Variants in LSAMP observed in about 807,000 individuals in gnomAD.
LSAMP encodes the protein limbic system-associated membrane protein.
In LSAMP, 7 loss-of-function variants were observed where a neutral mutation model predicts 38.6. The observed-to-expected ratio is 0.18, with a 90% CI of 0.10 to 0.34. LSAMP has a LOEUF of 0.34. Ranked by LOEUF, LSAMP falls within the 10% of genes least tolerant of loss-of-function variation. The pLI is 1.00. For synonymous variants in LSAMP, 154 were observed against 166.8 expected (o/e 0.92, Z 0.59); for missense variants, 313 against 420.0 (o/e 0.75, Z 2.23).
chr3:116,341,450 T>C (rs1359024017), intron 1 of LSAMP, among the ~76,000 whole-genome samples: 1 of 151,940 alleles, frequency 6.6e-6, no homozygotes, highest in Non-Finnish European at 1.5e-5. Context: ...TGAAGATGTA[T>C]GGCAGGCACC....
chr3:116,067,115 C>A (rs1336405910), intron 2 of LSAMP, among the ~76,000 whole-genome samples: 1 of 152,140 alleles, frequency 6.6e-6, no homozygotes, highest in Non-Finnish European at 1.5e-5. Flanking sequence ...ATGTGCAAAT[C>A]CCACAATCCT....
chr3:116,254,702 A>G (rs2046728190), intron 1 of LSAMP, among the ~76,000 whole-genome samples: 1 of 152,168 alleles, frequency 6.6e-6, no homozygotes, highest in Non-Finnish European at 1.5e-5. Context: ...GCCTCTGACT[A>G]CCATCTGTTT....
intron 3 of LSAMP, among the ~76,000 whole-genome samples, chr3:115,915,501 G>T (rs1044653109): frequency 2.6e-5 from 4 of 152,170 alleles, no homozygotes; most frequent in African/African-American, 9.7e-5. Flanking sequence ...GCAGTTAAAG[G>T]CTGGAATGAT....
chr3:116,309,278 C>G (rs2047525012), intron 1 of LSAMP, among the ~76,000 whole-genome samples: 1 of 151,992 alleles, frequency 6.6e-6, no homozygotes, highest in South Asian at 2.1e-4. Context: ...TTGCAGATTA[C>G]CAAGTATAAT....
chr3:116,135,128 T>C (rs1208765216), intron 1 of LSAMP, among the ~76,000 whole-genome samples: 3 of 152,100 alleles, frequency 2.0e-5, no homozygotes, highest in Non-Finnish European at 4.4e-5. Context: ...ACTCAGGAAA[T>C]GAATTTATTA....
At chr3:116,101,945 CTA>C (rs1324581484) in intron 1 of LSAMP, among the ~76,000 whole-genome samples, 1 of 152,108 alleles carries the variant, frequency 6.6e-6, no homozygotes, top group Non-Finnish European at 1.5e-5. Context: ...GACTAACCAC[CTA>C]TGAGTTTATA....
At chr3:116,311,581 T>C (rs2047558179) in intron 1 of LSAMP, among the ~76,000 whole-genome samples, 1 of 152,228 alleles carries the variant, frequency 6.6e-6, no homozygotes, top group Admixed American at 6.5e-5. Flanking sequence ...CCTTATTCTT[T>C]ACAAGGTGAC....
chr3:116,091,147 C>G (rs997579969), intron 1 of LSAMP, among the ~76,000 whole-genome samples: 5 of 152,196 alleles, frequency 3.3e-5, no homozygotes, highest in African/African-American at 1.2e-4. Context: ...TTCTCAGGGA[C>G]GTTCCATGCT....
At chr3:116,188,238 A>T (rs1422575998) in intron 1 of LSAMP, among the ~76,000 whole-genome samples, 2 of 152,108 alleles carry the variant, frequency 1.3e-5, no homozygotes, top group African/African-American at 4.8e-5. Flanking sequence ...GGAAAAGCAG[A>T]TGTACAAAAG....
chr3:116,226,721 C>T (rs2046345970), intron 1 of LSAMP, among the ~76,000 whole-genome samples: 1 of 152,230 alleles, frequency 6.6e-6, no homozygotes, highest in African/African-American at 2.4e-5. Context: ...ATAGGCTTCA[C>T]TTTGTGTGTG....
In LSAMP at chr3:116,042,863, CAGTCAG is replaced by C. The variant is rs146309854; in HGVS notation, c.389-23229_389-23224del. Among the ~76,000 whole-genome samples, 173 of 152,316 alleles carry C rather than the reference CAGTCAG, an allele frequency of 1.1e-3. 4 individuals carry two copies. The highest frequency in any genetic ancestry group is 3.8e-3 in the African/African-American group (160 of 41,572). On this transcript the variant is annotated intron_variant, in intron 2 of 6. Transcript: ENST00000490035. The stretch of plus-strand genomic sequence containing the variant: ...TTACTGAACAAGGTGGATAATCTTT[CAGTCAG>C]AGTTGTATAAACAACTGTGTTCCTA...
chr3:115,912,507 TG>T (rs768301084), intron 3 of LSAMP, among the ~76,000 whole-genome samples: 5 of 152,272 alleles, frequency 3.3e-5, no homozygotes, highest in East Asian at 1.9e-4. Flanking sequence ...GGCTCCTTAC[TG>T]GTCAGGGGAT....
intron 1 of LSAMP, among the ~76,000 whole-genome samples, chr3:116,185,012 TTC>T (rs750570181): frequency 2.8e-5 from 4 of 140,588 alleles, no homozygotes; most frequent in Non-Finnish European, 4.7e-5. Flanking sequence ...TGCAGATTTT[TTC>T]TTTCTTTCTT....
chr3:115,842,055 C>A (rs964264606), intron 5 of LSAMP, 62 bp from the exon 6 acceptor site: 34 of 1,517,750 alleles, frequency 2.2e-5, no homozygotes, highest in Non-Finnish European at 2.9e-5. Flanking sequence ...CTTAGGAATT[C>A]TTTCCCCATC....
chr3:116,079,252 G>A (rs1390176291), intron 2 of LSAMP, among the ~76,000 whole-genome samples: 1 of 152,162 alleles, frequency 6.6e-6, no homozygotes, highest in African/African-American at 2.4e-5. Context: ...GGTGGGCCTG[G>A]CCCTTCGGAG....
At chr3:116,209,041 C>G (rs2046112974) in intron 1 of LSAMP, among the ~76,000 whole-genome samples, 1 of 152,204 alleles carries the variant, frequency 6.6e-6, no homozygotes, top group African/African-American at 2.4e-5. Flanking sequence ...GCTATGCTAG[C>G]AATCAGCGAG....
At chr3:116,388,342 G>T (rs1425868656) in intron 1 of LSAMP, among the ~76,000 whole-genome samples, 1 of 152,070 alleles carries the variant, frequency 6.6e-6, no homozygotes, top group African/African-American at 2.4e-5. Context: ...TTGTTTGTTT[G>T]TTTTAGCTTT....
At chr3:116,276,684 GAAA>G (rs200897808) in intron 1 of LSAMP, among the ~76,000 whole-genome samples, 1,946 of 106,806 alleles carry the variant, frequency 0.018, 36 homozygotes, top group African/African-American at 0.057. Context: ...TAAAAAAAAA[GAAA>G]AAAAAAAAAA....
At chr3:116,188,463 A>G (rs1272957821) in intron 1 of LSAMP, among the ~76,000 whole-genome samples, 1 of 152,144 alleles carries the variant, frequency 6.6e-6, no homozygotes, top group African/African-American at 2.4e-5. Flanking sequence ...TTCTTGGCCT[A>G]AAATCCCAGG....
Sources: gnomAD v4.1 joint callset for allele counts (sites outside exome capture counted in the v4.1 genomes callset) on GRCh38, gnomAD v4.1.1 for gene constraint, MANE v1.5 for transcripts, NCBI Gene and HGNC (gene_info 2026-07-23, HGNC 2026-07-21) for gene names.